DDHD1: variants seen among roughly 807,000 people sequenced by gnomAD.
The protein encoded by DDHD1 is phospholipase DDHD1.
A neutral mutation model predicts 96.4 loss-of-function variants in DDHD1; 49 were observed. The observed-to-expected ratio is 0.51, with a 90% CI of 0.40 to 0.64. The LOEUF (loss-of-function observed/expected upper bound fraction) is 0.64. Ranked by LOEUF, DDHD1 falls within the 30% of genes least tolerant of loss-of-function variation. DDHD1 has a pLI of 0.00. For synonymous variants in DDHD1, 442 were observed against 446.5 expected, an observed-to-expected ratio of 0.99 and a Z score of 0.13; for missense variants, 1,106 against 1,161.2, an observed-to-expected ratio of 0.95 and a Z score of 0.69.
intron 6 of DDHD1, among the ~76,000 whole-genome samples, chr14:53,069,458 T>A (rs912195713): frequency 2.0e-5 from 3 of 152,214 alleles, no homozygotes; most frequent in African/African-American, 7.2e-5. Flanking sequence ...TTTATAGCAA[T>A]AGAGTATTTT....
chr14:53,054,611 T>C lies in DDHD1; in HGVS notation c.2264A>G (p.Lys755Arg). The change falls in exon 11 of 13, where the codon AAG becomes AGG. Residue 755 changes from lysine to arginine, a missense_variant. Physicochemically the swap from Lys to Arg is conservative, Grantham distance 26 (BLOSUM62 2). Around this residue, in one of 2 missense-constraint regions of DDHD1, gnomAD observed 650 missense variants for 758.8 expected, o/e 0.86. Transcript: ENST00000673822. ...ASILGAASIGKGLGGMLFSRF... is the reference protein window; with the variant it reads ...ASILGAASIGRGLGGMLFSRF... The stretch of plus-strand genomic sequence containing the variant: ...TGAGAACAACATTCCTCCAAGTCCC[T>C]TTCCAATGCTAGCAGCCCCTGTATT... The C allele has an allele frequency of 1.2e-5, 19 of 1,613,956 alleles. No homozygotes were observed. Among genetic ancestry groups the C allele is most frequent in the Non-Finnish European group, 1.6e-5 (19 of 1,179,830 alleles).
chr14:53,128,141 G>T (rs1333689149), intron 1 of DDHD1, among the ~76,000 whole-genome samples: 1 of 152,136 alleles, frequency 6.6e-6, no homozygotes, highest in South Asian at 2.1e-4. Flanking sequence ...CACCATGATT[G>T]TAAGTTTCCT....
At chr14:53,151,072 A>T (rs766413436) in intron 1 of DDHD1, among the ~76,000 whole-genome samples, 31 of 152,236 alleles carry the variant, frequency 2.0e-4, no homozygotes, top group Non-Finnish European at 3.2e-4. Context: ...GAATGTTTTA[A>T]CATTATCAGA....
At position 53,092,645 on chromosome 14, in the gene DDHD1, C is replaced by T. The variant is rs933410785; in HGVS notation, c.1141+671G>A. 3 of 152,076 alleles carry T rather than the reference C, an allele frequency of 2.0e-5. No homozygotes were observed. In the East Asian group the frequency reaches 5.8e-4, roughly 29 times the overall value. The allele number at this position is 152,076 out of a possible 1,614,324, so 9.4% of individuals were successfully genotyped here. A position where few individuals can be genotyped will look rare whatever the true frequency, so the allele number is the denominator to read the frequency against. ...ATGGCTTGTGCCCAAAAATTTGAGA[C>T]CAGCCTGGACAACACAAGGAGACTC... On this transcript the variant is annotated intron_variant, in intron 3 of 12. Transcript: ENST00000673822.
intron 4 of DDHD1, 128 bp downstream of exon 4, chr14:53,091,657 A>C (rs980670194): frequency 5.3e-6 from 5 of 947,788 alleles, no homozygotes; most frequent in Non-Finnish European, 7.6e-6. Flanking sequence ...CTATGACTTA[A>C]GAGGTATTAG....
At chr14:53,142,920 T>A (rs937682688) in intron 1 of DDHD1, among the ~76,000 whole-genome samples, 1 of 152,156 alleles carries the variant, frequency 6.6e-6, no homozygotes, top group African/African-American at 2.4e-5. Context: ...GGAAACAGAC[T>A]ACAAATTGAA....
chr14:53,057,714 A>T (rs1162470249), intron 9 of DDHD1, among the ~76,000 whole-genome samples: 2 of 152,230 alleles, frequency 1.3e-5, no homozygotes, highest in Non-Finnish European at 2.9e-5. Flanking sequence ...ACACTCTTGT[A>T]TTACAGGTGC....
At chr14:53,106,554 G>A (rs1887701207) in intron 1 of DDHD1, among the ~76,000 whole-genome samples, 1 of 152,092 alleles carries the variant, frequency 6.6e-6, no homozygotes, top group South Asian at 2.1e-4. Flanking sequence ...AGCTACAGGA[G>A]GCTGAGGCAT....
chr14:53,123,641 G>C (rs1889182813), intron 1 of DDHD1, among the ~76,000 whole-genome samples: 1 of 152,106 alleles, frequency 6.6e-6, no homozygotes, highest in African/African-American at 2.4e-5. Context: ...AAACCAAAAT[G>C]CAAGTTTTAG....
chr14:53,118,210 C>G (rs907942301), intron 1 of DDHD1, among the ~76,000 whole-genome samples: 1 of 152,180 alleles, frequency 6.6e-6, no homozygotes, highest in Non-Finnish European at 1.5e-5. Flanking sequence ...TGGGGAGAAA[C>G]CACAGCAGAA....
At chr14:53,053,234 C>G (rs1440377796) in intron 11 of DDHD1, 1 of 151,932 alleles carries the variant, frequency 6.6e-6, no homozygotes, top group East Asian at 1.9e-4. Context: ...CATGTCACGA[C>G]AGAATTTTGT....
rs556538855 is a variant in DDHD1, at chr14:53,046,417, T to C, written c.*351A>G. The C allele has an allele frequency of 6.3e-6, 1 of 159,014 alleles. No individual in the cohort carries two copies. The highest frequency in any genetic ancestry group is 2.4e-5 in the African/African-American group (1 of 41,910). 9.9% of individuals were successfully genotyped at this position (159,014 alleles called of 1,614,324 possible). On this transcript the variant is annotated 3_prime_UTR_variant, in exon 13 of 13. Coordinates refer to ENST00000673822, the MANE Select transcript of DDHD1 (RefSeq NM_001160148.2). Reference sequence around the variant, plus strand: ...CCTTGACCATTTTTGATTTATAACATACTTTGGTTAATACATTATGTTCCA... The same window carrying C: ...CCTTGACCATTTTTGATTTATAACACACTTTGGTTAATACATTATGTTCCA...
Position 53,062,996 on chromosome 14 carries a change from C to A in DDHD1, c.1713G>T (p.Trp571Cys), listed in dbSNP as rs1402569521. The A allele has an allele frequency of 4.3e-6, 7 of 1,610,138 alleles. No homozygotes were observed. Among genetic ancestry groups the A allele is most frequent in the Non-Finnish European group, 5.1e-6 (6 of 1,178,072 alleles). Residue 571 changes from tryptophan (W) to cysteine (C), a missense_variant, in exon 7 of 13, where the codon TGG (tryptophan) becomes TGT (cysteine). Transcript: ENST00000673822. Reference sequence around the variant, plus strand: ...GAAGATGTCGTTCTTCATAGCTCATCCATCGTTCATCAGGCAACTCTTCTT... The same window carrying A: ...GAAGATGTCGTTCTTCATAGCTCATACATCGTTCATCAGGCAACTCTTCTT... ...QKEEELPDER[W>C]MSYEERHLLD...
chr14:53,127,083 GT>G (rs569113787), intron 1 of DDHD1, among the ~76,000 whole-genome samples: 149 of 152,218 alleles, frequency 9.8e-4, no homozygotes, highest in South Asian at 1.7e-3. Context: ...TTGAACATAT[GT>G]TTTTTTAAAA....
At chr14:53,103,297 T>G (rs537000500) in intron 2 of DDHD1, 7 of 380,842 alleles carry the variant, frequency 1.8e-5, no homozygotes, top group African/African-American at 1.3e-4. Flanking sequence ...ATTTTTTTTT[T>G]GAACTTCAGG....
At chr14:53,126,305 A>T (rs1238567821) in intron 1 of DDHD1, among the ~76,000 whole-genome samples, 1 of 152,148 alleles carries the variant, frequency 6.6e-6, no homozygotes, top group Non-Finnish European at 1.5e-5. Flanking sequence ...GTGAAATAGA[A>T]GTGAATATGA....
At chr14:53,066,064 T>A (rs1883984690) in intron 6 of DDHD1, among the ~76,000 whole-genome samples, 1 of 152,234 alleles carries the variant, frequency 6.6e-6, no homozygotes, top group Non-Finnish European at 1.5e-5. Flanking sequence ...GTACATATTT[T>A]ATCCCATTTT....
At chr14:53,047,993 G>T (rs889578792) in intron 12 of DDHD1, among the ~76,000 whole-genome samples, 3 of 152,100 alleles carry the variant, frequency 2.0e-5, no homozygotes, top group African/African-American at 7.2e-5. Flanking sequence ...AGTAAAACTG[G>T]CACAAATTAA....
At chr14:53,079,963 A>T (rs1885316196) in intron 4 of DDHD1, among the ~76,000 whole-genome samples, 2 of 152,186 alleles carry the variant, frequency 1.3e-5, no homozygotes, top group African/African-American at 4.8e-5. Flanking sequence ...ACTCGTTTTC[A>T]TTGCATTCCA....
Sources: allele counts gnomAD v4.1 joint callset (sites outside exome capture counted in the v4.1 genomes callset), GRCh38; gene constraint gnomAD v4.1.1; regional missense constraint gnomAD v4.1.1; transcripts MANE v1.5; gene names NCBI Gene and HGNC (gene_info 2026-07-23, HGNC 2026-07-21).